The following SLC35B3 variants were observed in gnomAD, a reference collection of about 807,000 sequenced individuals.
SLC35B3 encodes adenosine 3'-phospho 5'-phosphosulfate transporter 2.
Under a neutral mutation model 44.1 loss-of-function variants are expected in SLC35B3, and 35 were observed. The ratio of observed to expected loss-of-function variants is 0.79; its 90% CI spans 0.61 to 1.05. SLC35B3 has a LOEUF of 1.05. SLC35B3 is among the 50% of genes least tolerant of loss of function. The pLI is 0.00. For synonymous variants in SLC35B3, 146 were observed against 167.3 expected (o/e 0.87, Z 0.98); for missense variants, 414 against 476.4 (o/e 0.87, Z 1.22).
intron 7 of SLC35B3, among the ~76,000 whole-genome samples, chr6:8,417,996 A>G (rs1329164631): frequency 6.6e-6 from 1 of 152,192 alleles, no homozygotes; most frequent in Non-Finnish European, 1.5e-5. Context: ...CAGCAGCAGC[A>G]GCAAACCTAA....
intron 9 of SLC35B3, among the ~76,000 whole-genome samples, chr6:8,416,259 C>G (rs1464984248): frequency 1.3e-5 from 2 of 152,150 alleles, no homozygotes; most frequent in Non-Finnish European, 2.9e-5. Flanking sequence ...AAACTCCTGC[C>G]TGTACCTCTA....
chr6:8,434,331 C>T lies in SLC35B3; in HGVS notation c.3+54G>A. On this transcript the variant is annotated intron_variant, in intron 2 of 10. Transcript: ENST00000644923. The surrounding 1 kb of genome is among the most constrained non-coding windows in gnomAD (Gnocchi z 6.3). ...TTACGGTGTCATTAACCTGAAAAAA[C>T]GTGATTTTAACTATACTTTGCCACA... 1 of 1,549,772 alleles carries T rather than the reference C, an allele frequency of 6.5e-7. No individual in the cohort carries two copies.
intron 5 of SLC35B3, among the ~76,000 whole-genome samples, 182 bp downstream of exon 4, chr6:8,422,288 C>T (rs547266044): frequency 2.6e-5 from 4 of 152,308 alleles, no homozygotes; most frequent in Admixed American, 2.6e-4. Context: ...CAGGCGTGAG[C>T]CACTGTGCCT....
At chr6:8,431,233 GA>G (rs1268710273) in intron 2 of SLC35B3, among the ~76,000 whole-genome samples, 2 of 152,122 alleles carry the variant, frequency 1.3e-5, no homozygotes, top group African/African-American at 4.8e-5. Context: ...CTATGTAAAA[GA>G]AAAAGTTATT....
Position 8,434,475 on chromosome 6 carries a change from A to C in SLC35B3, c.-43-45T>G. On this transcript the variant is annotated intron_variant, in intron 1 of 10. Transcript: ENST00000644923. The surrounding 1 kb of genome is among the most constrained non-coding windows in gnomAD (Gnocchi z 6.3). ...AACAGAAAAAACAAAGTTCCATCTC[A>C]TTTCTTTGTACACACATCATTACAC... 3.9e-6 allele frequency: 6 copies of C among 1,546,092 alleles called. No homozygotes were observed. The highest frequency in any genetic ancestry group is 5.3e-6 in the Non-Finnish European group (6 of 1,125,310).
chr6:8,421,866 C>A (rs898759686), intron 5 of SLC35B3, among the ~76,000 whole-genome samples: 9 of 152,128 alleles, frequency 5.9e-5, no homozygotes, highest in African/African-American at 2.2e-4. Flanking sequence ...TTGAACTAGA[C>A]CTTTAATACG....
chr6:8,417,459 A>C lies in SLC35B3; in HGVS notation c.816T>G (p.Ile272Met). Residue 272 changes from isoleucine (I) to methionine (M), a missense_variant, in exon 8 of 11, where the codon ATT becomes ATG. Transcript: ENST00000644923. The stretch of plus-strand genomic sequence containing the variant: ...CACTAGTGCATGTCAATCCCAGTAA[A>C]ATGTATACAAAACCAATTGAATACG... 1.9e-6 allele frequency: 3 copies of C among 1,605,288 alleles called. No individual in the cohort carries two copies. In the South Asian group the frequency reaches 3.4e-5, roughly 18 times the overall value.
intron 2 of SLC35B3, among the ~76,000 whole-genome samples, chr6:8,431,109 TA>T (rs5874144): frequency 0.5 from 75,418 of 151,858 alleles, 19,584 homozygotes; most frequent in African/African-American, 0.67. Context: ...TTTGTCAGTC[TA>T]AAAAAAATTA....
chr6:8,434,344 ATACTT>A lies in SLC35B3; in HGVS notation c.3+36_3+40del, dbSNP rs759342054. The A allele has an allele frequency of 6.3e-7, 1 of 1,592,070 alleles. No individual in the cohort carries two copies. Among genetic ancestry groups the A allele is most frequent in the African/African-American group, 1.3e-5 (1 of 74,266 alleles). ...AACCTGAAAAAACGTGATTTTAACT[ATACTT>A]TGCCACACTCAACGTTACAAATAAA... On this transcript the variant is annotated intron_variant, in intron 2 of 10. Transcript: ENST00000644923. This position sits in a 1 kb window ranked among gnomAD's most constrained non-coding sequence, Gnocchi z 6.3.
chr6:8,432,654 A>AG lies in SLC35B3; in HGVS notation c.3+1730dup, dbSNP rs1764105222. Among the ~76,000 whole-genome samples, 1 of 152,182 alleles carries AG rather than the reference A, an allele frequency of 6.6e-6. No individual in the cohort carries two copies. ...TAGGTTCTGCACCTTCAAAAGTGGGAGGAGTTAAAAATGTGCCTATCACAG... is the reference window on the plus strand; with the variant it reads ...TAGGTTCTGCACCTTCAAAAGTGGGAGGGAGTTAAAAATGTGCCTATCACAG... On this transcript the variant is annotated intron_variant, in intron 2 of 10. Transcript: ENST00000644923. This position sits in a 1 kb window ranked among gnomAD's most constrained non-coding sequence, Gnocchi z 4.8.
At position 8,433,991 on chromosome 6, in the gene SLC35B3, T is replaced by C. The variant is rs141394026; in HGVS notation, c.3+394A>G. Among the ~76,000 whole-genome samples the C allele has an allele frequency of 4.0e-5, 6 of 151,386 alleles. No individual in the cohort carries two copies. In the East Asian group the frequency reaches 9.7e-4, roughly 25 times the overall value. Reference sequence around the variant, plus strand: ...TAGTTTTCAGACTAAATGATCAACATTGTGCTTTGCTTTTGAAGCTCACAG... The same window carrying C: ...TAGTTTTCAGACTAAATGATCAACACTGTGCTTTGCTTTTGAAGCTCACAG... On this transcript the variant is annotated intron_variant, in intron 2 of 10. Transcript: ENST00000644923. The surrounding 1 kb of genome is among the most constrained non-coding windows in gnomAD (Gnocchi z 4.1).
At chr6:8,413,827 A>G in intron 10 of SLC35B3, 128 bp from the exon 10 acceptor site, 2 of 561,816 alleles carry the variant, frequency 3.6e-6, no homozygotes, top group Non-Finnish European at 6.1e-6. Flanking sequence ...AGCCTACAAT[A>G]ATAGCATTAA....
At chr6:8,427,011 T>A (rs1336127883) in intron 4 of SLC35B3, among the ~76,000 whole-genome samples, 1 of 152,158 alleles carries the variant, frequency 6.6e-6, no homozygotes, top group Admixed American at 6.5e-5. Flanking sequence ...GCCCTAGAGA[T>A]CTATGGAACT....
At chr6:8,415,296 A>G (rs1360861946) in intron 9 of SLC35B3, among the ~76,000 whole-genome samples, 1 of 152,200 alleles carries the variant, frequency 6.6e-6, no homozygotes, top group Non-Finnish European at 1.5e-5. Context: ...AGGCTTTCCT[A>G]TGGAAGCTAT....
chr6:8,416,783 C>A (rs1762448252), intron 9 of SLC35B3, 101 bp downstream of exon 8: 3 of 495,290 alleles, frequency 6.1e-6, no homozygotes, highest in Admixed American at 3.7e-5. Context: ...TGATAATTTT[C>A]TTTTTAATAT....
Position 8,417,467 on chromosome 6 carries a change from C to T in SLC35B3, c.808G>A (p.Val270Ile). The T allele has an allele frequency of 6.3e-7, 1 of 1,599,686 alleles. No homozygotes were observed. Among genetic ancestry groups the T allele is most frequent in the Non-Finnish European group, 8.5e-7 (1 of 1,173,852 alleles). Residue 270 changes from valine (V) to isoleucine (I), a missense_variant, in exon 8 of 11, where the codon GTA becomes ATA. Physicochemically the swap from Val to Ile is conservative, Grantham distance 29 (BLOSUM62 3). Transcript: ENST00000644923. ...CATGTCAATCCCAGTAAAATGTATA[C>T]AAAACCAATTGAATACGAATACAAT...
chr6:8,434,310 G>C lies in SLC35B3; in HGVS notation c.3+75C>G. On this transcript the variant is annotated intron_variant, in intron 2 of 10. Transcript: ENST00000644923. This position sits in a 1 kb window ranked among gnomAD's most constrained non-coding sequence, Gnocchi z 6.3. ...TAGAATATGAAAAAAAAGTCATTAC[G>C]GTGTCATTAACCTGAAAAAACGTGA... 7.3e-7 allele frequency: 1 copy of C among 1,371,370 alleles called. No homozygotes were observed. The highest frequency in any genetic ancestry group is 1.0e-6 in the Non-Finnish European group (1 of 967,586). The allele number at this position is 1,371,370 out of a possible 1,614,324, so 85.0% of individuals were successfully genotyped here. A position where few individuals can be genotyped will look rare whatever the true frequency, so the allele number is the denominator to read the frequency against.
In SLC35B3 at chr6:8,419,223, A is replaced by G. The variant is rs1019814080; in HGVS notation, c.780+357T>C. On this transcript the variant is annotated intron_variant, in intron 7 of 10. Coordinates refer to ENST00000644923, the MANE Select transcript of SLC35B3 (RefSeq NM_001370476.2). This position sits in a 1 kb window ranked among gnomAD's most constrained non-coding sequence, Gnocchi z 4.3. ...GTTAGGAAAGCTCTTTTCAACCATG[A>G]TACTTAGCCAGAAGCCAGCAAGGAA... Among the ~76,000 whole-genome samples the G allele has an allele frequency of 2.0e-5, 3 of 152,110 alleles. No individual in the cohort carries two copies. The highest frequency in any genetic ancestry group is 4.4e-5 in the Non-Finnish European group (3 of 67,940).
intron 3 of SLC35B3, among the ~76,000 whole-genome samples, chr6:8,429,143 C>T (rs1432043259): frequency 6.6e-6 from 1 of 152,116 alleles, no homozygotes; most frequent in Admixed American, 6.5e-5. Context: ...GGAAAATATC[C>T]ACTAATTAAA....
Sources: gnomAD v4.1 joint callset for allele counts (sites outside exome capture counted in the v4.1 genomes callset) on GRCh38, gnomAD v4.1.1 for gene constraint, Gnocchi (gnomAD v3.1) non-coding constraint, MANE v1.5 for transcripts, NCBI Gene and HGNC (gene_info 2026-07-23, HGNC 2026-07-21) for gene names.